Variants in CCSER1 observed in about 807,000 individuals in gnomAD.
CCSER1 encodes coiled-coil serine rich protein 1.
A neutral mutation model predicts 82.0 loss-of-function variants in CCSER1; 41 were observed. The observed-to-expected ratio is 0.50, with a 90% CI of 0.39 to 0.65. CCSER1 has a LOEUF of 0.65. Ranked by LOEUF, CCSER1 falls within the 30% of genes least tolerant of loss-of-function variation. The pLI is 0.00. For synonymous variants in CCSER1, 414 were observed against 383.9 expected (o/e 1.08, Z -0.92); for missense variants, 1,119 against 1,064.2 (o/e 1.05, Z -0.72).
chr4:91,467,550 C>T (rs1756992434), intron 10 of CCSER1, among the ~76,000 whole-genome samples: 1 of 152,168 alleles, frequency 6.6e-6, no homozygotes, highest in Non-Finnish European at 1.5e-5. Flanking sequence ...AAACTACCAT[C>T]AGAGTGAACA....
chr4:90,212,347 A>G (rs1009803320), intron 1 of CCSER1, among the ~76,000 whole-genome samples: 13 of 152,170 alleles, frequency 8.5e-5, no homozygotes, highest in African/African-American at 3.1e-4. Context: ...AATAATCACA[A>G]TATTTTCATC....
At chr4:90,431,237 A>T (rs1758233193) in intron 4 of CCSER1, among the ~76,000 whole-genome samples, 1 of 152,118 alleles carries the variant, frequency 6.6e-6, no homozygotes, top group Non-Finnish European at 1.5e-5. Context: ...ACAGCTCAGT[A>T]TGGAGAAAAG....
intron 10 of CCSER1, among the ~76,000 whole-genome samples, chr4:91,465,680 A>C (rs192520361): frequency 6.6e-6 from 1 of 152,076 alleles, no homozygotes; most frequent in Admixed American, 6.6e-5. Context: ...TATCACCACC[A>C]ATCCCACAGA....
At chr4:90,779,675 C>G (rs1359692871) in intron 7 of CCSER1, among the ~76,000 whole-genome samples, 1 of 152,226 alleles carries the variant, frequency 6.6e-6, no homozygotes, top group East Asian at 1.9e-4. Flanking sequence ...CACAGACATT[C>G]TTCCTTGACA....
At chr4:91,594,414 TATATATAC>T (rs894546732) in intron 10 of CCSER1, among the ~76,000 whole-genome samples, 48 of 114,792 alleles carry the variant, frequency 4.2e-4, no homozygotes, top group African/African-American at 8.1e-4. Context: ...TATATACACA[TATATATAC>T]ATATATACAT....
chr4:91,232,653 GTATAAAT>G lies in CCSER1; in HGVS notation c.2217+146664_2217+146670del, dbSNP rs1480097208. On this transcript the variant is annotated intron_variant, in intron 10 of 10. Coordinates refer to ENST00000509176, the MANE Select transcript of CCSER1 (RefSeq NM_001145065.2). ...GAATTTTATATCACATATATACAAT[GTATAAAT>G]TATATAATCTGTATTTATATTGAAT... Among the ~76,000 whole-genome samples the G allele has an allele frequency of 2.0e-5, 3 of 151,808 alleles. No individual in the cohort carries two copies. In the East Asian group the frequency reaches 5.8e-4, roughly 29 times the overall value.
chr4:90,437,105 G>C (rs545021300), intron 4 of CCSER1, among the ~76,000 whole-genome samples: 68 of 152,146 alleles, frequency 4.5e-4, no homozygotes, highest in Admixed American at 1.4e-3. Flanking sequence ...TCAGGCGTGA[G>C]CCACCGCCCC....
chr4:90,420,715 A>G (rs1756554042), intron 4 of CCSER1, among the ~76,000 whole-genome samples: 1 of 152,122 alleles, frequency 6.6e-6, no homozygotes, highest in African/African-American at 2.4e-5. Flanking sequence ...GTATTAAATA[A>G]CAACAATTTT....
intron 3 of CCSER1, among the ~76,000 whole-genome samples, chr4:90,315,229 A>G (rs1388745266): frequency 6.6e-6 from 1 of 152,148 alleles, no homozygotes. Flanking sequence ...TAAATTTTCA[A>G]AAGTGTGCCT....
At chr4:90,932,988 G>GAAAGAAAGAAAGAAAGAA (rs1730257942) in intron 9 of CCSER1, among the ~76,000 whole-genome samples, 1 of 32,798 alleles carries the variant, frequency 3.0e-5, no homozygotes, top group South Asian at 6.4e-4. Flanking sequence ...GAAAGAGAAA[G>GAAAGAAAGAAAGAAAGAA]AAAGAAAGAA....
chr4:91,430,640 A>G (rs1248478821), intron 10 of CCSER1, among the ~76,000 whole-genome samples: 1 of 152,266 alleles, frequency 6.6e-6, no homozygotes, highest in Non-Finnish European at 1.5e-5. Context: ...AAAAGAAAAC[A>G]TTATGAAATG....
chr4:90,845,241 A>C (rs1763070576), intron 8 of CCSER1, among the ~76,000 whole-genome samples: 1 of 151,998 alleles, frequency 6.6e-6, no homozygotes, highest in African/African-American at 2.4e-5. Flanking sequence ...ACGCGCCTGT[A>C]ATCCCAGCTA....
At chr4:90,995,902 T>A (rs926355561) in intron 9 of CCSER1, among the ~76,000 whole-genome samples, 1 of 152,096 alleles carries the variant, frequency 6.6e-6, no homozygotes, top group African/African-American at 2.4e-5. Context: ...ATAATTTGAT[T>A]TAACTATACA....
intron 7 of CCSER1, among the ~76,000 whole-genome samples, 178 bp from the exon 8 acceptor site, chr4:90,815,584 A>C (rs1758904142): frequency 1.3e-5 from 2 of 151,802 alleles, no homozygotes; most frequent in South Asian, 4.1e-4. Flanking sequence ...CATTTTTTGG[A>C]TACATTAACT....
At chr4:90,583,712 T>A (rs1188007972) in intron 5 of CCSER1, among the ~76,000 whole-genome samples, 1 of 152,164 alleles carries the variant, frequency 6.6e-6, no homozygotes, top group African/African-American at 2.4e-5. Context: ...AATACCTTTT[T>A]ATGTGGTGTT....
chr4:91,474,804 TATATATATACACAC>T (rs1279375311), intron 10 of CCSER1, among the ~76,000 whole-genome samples: 54 of 128,768 alleles, frequency 4.2e-4, no homozygotes, highest in Admixed American at 8.5e-4. Flanking sequence ...TATATATATA[TATATATATACACAC>T]ACACACACAC....
At chr4:90,154,980 A>G (rs1727760103) in intron 1 of CCSER1, among the ~76,000 whole-genome samples, 1 of 152,150 alleles carries the variant, frequency 6.6e-6, no homozygotes, top group Non-Finnish European at 1.5e-5. Context: ...GAATGCTTTC[A>G]GTTTTTGCCC....
intron 6 of CCSER1, among the ~76,000 whole-genome samples, chr4:90,713,086 T>G (rs151224053): frequency 6.2e-4 from 94 of 152,086 alleles, no homozygotes; most frequent in African/African-American, 2.0e-3. Context: ...TGGGTCTTTT[T>G]TCTTTATCTA....
intron 6 of CCSER1, among the ~76,000 whole-genome samples, chr4:90,701,170 A>C (rs988715961): frequency 2.6e-5 from 4 of 152,234 alleles, no homozygotes; most frequent in African/African-American, 9.6e-5. Context: ...AGAAGGTATA[A>C]GGAAATGATC....
Sources: gnomAD v4.1 joint callset for allele counts (sites outside exome capture counted in the v4.1 genomes callset) on GRCh38, gnomAD v4.1.1 for gene constraint, MANE v1.5 for transcripts, NCBI Gene and HGNC (gene_info 2026-07-23, HGNC 2026-07-21) for gene names.